The following GPHN variants were observed in gnomAD, a reference collection of about 807,000 sequenced individuals.
The protein encoded by GPHN is gephyrin.
GPHN carries 17 observed loss-of-function variants against 95.5 expected under a neutral mutation model. The observed-to-expected ratio is 0.18, with a 90% CI of 0.12 to 0.27. The LOEUF (loss-of-function observed/expected upper bound fraction) is 0.27, where lower values mean the gene tolerates loss of function less well. Ranked by LOEUF, GPHN falls within the 10% of genes least tolerant of loss-of-function variation. GPHN has a pLI of 1.00. For synonymous variants in GPHN, 320 were observed against 322.5 expected (o/e 0.99, Z 0.08); for missense variants, 660 against 978.1 (o/e 0.67, Z 4.34).
rs542863179 is a variant in GPHN at position 66,875,514 on chromosome 14, C to A, written c.295-4425C>A. Among the ~76,000 whole-genome samples, 17 of 152,236 alleles carry A rather than the reference C, an allele frequency of 1.1e-4. 2 individuals are homozygous for A. Among genetic ancestry groups the A allele is most frequent in the African/African-American group, 2.9e-4 (12 of 41,540 alleles). Reference sequence around the variant, plus strand: ...GATGTGCTGTATTCAGGAGACTGATCTCACGTGCAAAGACACACATAGGCT... The same window carrying A: ...GATGTGCTGTATTCAGGAGACTGATATCACGTGCAAAGACACACATAGGCT... On this transcript the variant is annotated intron_variant, in intron 4 of 22. Transcript: ENST00000478722.
the GPHN span, among the ~76,000 whole-genome samples, chr14:67,197,917 T>C: frequency 6.6e-6 from 1 of 152,200 alleles, no homozygotes; most frequent in African/African-American, 2.4e-5. Context: ...GAGTTTCTTT[T>C]GGCTTGCTTA....
At chr14:66,664,627 A>C (rs555555031) in intron 1 of GPHN, among the ~76,000 whole-genome samples, 27 of 152,302 alleles carry the variant, frequency 1.8e-4, no homozygotes, top group African/African-American at 6.3e-4. Flanking sequence ...AGAAATAACC[A>C]GAATCAGAGC....
intron 11 of GPHN, among the ~76,000 whole-genome samples, chr14:67,064,251 T>G (rs118122435): frequency 0.066 from 10,107 of 152,212 alleles, 350 homozygotes; most frequent in Middle Eastern, 0.085. Context: ...ATTTGCATTT[T>G]TTGAACCAGC....
chr14:67,243,544 G>A, the GPHN span, among the ~76,000 whole-genome samples: 2 of 141,282 alleles, frequency 1.4e-5, no homozygotes, highest in Non-Finnish European at 3.0e-5. Flanking sequence ...CCAGGCTGGA[G>A]TGCAGTGGCG....
chr14:67,501,119 T>C, the GPHN span, among the ~76,000 whole-genome samples: 1 of 151,384 alleles, frequency 6.6e-6, no homozygotes, highest in Non-Finnish European at 1.5e-5. Context: ...CTGCTCTGCA[T>C]GAGCTAACTT....
At chr14:66,978,033 A>T (rs1567173831) in intron 9 of GPHN, among the ~76,000 whole-genome samples, 1 of 152,260 alleles carries the variant, frequency 6.6e-6, no homozygotes, top group Admixed American at 6.5e-5. Flanking sequence ...AATTATGTTT[A>T]TACTCTCCTG....
chr14:67,576,019 CT>C, the GPHN span: 1 of 1,592,520 alleles, frequency 6.3e-7, no homozygotes, highest in East Asian at 2.3e-5. The surrounding 1 kb of genome is among the most constrained non-coding windows in gnomAD (Gnocchi z 4.0). Context: ...AGGAAGAGGG[CT>C]GGGCCTCCAG....
chr14:67,091,269 G>T (rs181606888), intron 12 of GPHN, among the ~76,000 whole-genome samples: 8 of 151,964 alleles, frequency 5.3e-5, no homozygotes, highest in Non-Finnish European at 8.8e-5. Context: ...ATTCCCAATG[G>T]CTCCTATGTT....
chr14:66,560,078 C>T lies in GPHN; in HGVS notation c.64+51487C>T, dbSNP rs1306018701. On this transcript the variant is annotated intron_variant, in intron 1 of 22. Transcript: ENST00000478722. ...TATGCGGCGTTATTTCTGAGGGCTC[C>T]GTTCTGTTCCATTGGTCTATATCTC... Among the ~76,000 whole-genome samples, 135 of 151,550 alleles carry T rather than the reference C, an allele frequency of 8.9e-4. 1 individual carries two copies. The highest frequency in any genetic ancestry group is 2.8e-3 in the African/African-American group (115 of 41,084).
the GPHN span, among the ~76,000 whole-genome samples, chr14:67,460,382 T>G: frequency 1.3e-5 from 2 of 152,156 alleles, no homozygotes; most frequent in African/African-American, 4.8e-5. Context: ...GTCTTGCCTA[T>G]CTTGCCAGGT....
chr14:67,435,843 T>A, the GPHN span, among the ~76,000 whole-genome samples: 1 of 152,094 alleles, frequency 6.6e-6, no homozygotes, highest in East Asian at 1.9e-4. Flanking sequence ...TGCCAGCGGG[T>A]GGAGGTGTTG....
chr14:67,075,467 A>T (rs2076460550), intron 11 of GPHN, among the ~76,000 whole-genome samples: 1 of 152,194 alleles, frequency 6.6e-6, no homozygotes. Context: ...ATCAAGGAGT[A>T]ATTTCAATAT....
At chr14:66,996,028 C>G (rs1323441308) in intron 9 of GPHN, 1 of 549,298 alleles carries the variant, frequency 1.8e-6, no homozygotes, top group Non-Finnish European at 3.2e-6. Flanking sequence ...TGAGTCTTGA[C>G]ATGTTTTCAA....
At chr14:67,417,026 C>T in the GPHN span, among the ~76,000 whole-genome samples, 1 of 152,216 alleles carries the variant, frequency 6.6e-6, no homozygotes, top group South Asian at 2.1e-4. Context: ...GGACTGTGTG[C>T]TTGAATGTTG....
the GPHN span, among the ~76,000 whole-genome samples, chr14:67,724,149 C>G: frequency 1.3e-5 from 2 of 152,204 alleles, no homozygotes; most frequent in Non-Finnish European, 2.9e-5. Flanking sequence ...TCCTCTGGAA[C>G]CTCTAGAGAT....
chr14:67,096,414 A>G (rs1381023242), intron 12 of GPHN, among the ~76,000 whole-genome samples: 2 of 152,180 alleles, frequency 1.3e-5, no homozygotes, highest in Non-Finnish European at 2.9e-5. Context: ...ATTATGCAGA[A>G]TATTGATATG....
At chr14:67,266,888 T>A in the GPHN span, among the ~76,000 whole-genome samples, 5 of 151,944 alleles carry the variant, frequency 3.3e-5, no homozygotes, top group African/African-American at 1.2e-4. Flanking sequence ...GGTGGACAGA[T>A]CACTTGAGCC....
intron 1 of GPHN, among the ~76,000 whole-genome samples, chr14:66,673,952 A>G (rs1422243998): frequency 6.6e-6 from 1 of 152,152 alleles, no homozygotes; most frequent in South Asian, 2.1e-4. Flanking sequence ...GGTATTTCGC[A>G]TATCCGTAAT....
chr14:66,880,347 CTTT>C (rs1247931125), intron 5 of GPHN, among the ~76,000 whole-genome samples: 19 of 135,344 alleles, frequency 1.4e-4, no homozygotes, highest in African/African-American at 5.5e-4. Context: ...CACTTCACTT[CTTT>C]TTGTTGTTGT....
Sources: gnomAD v4.1 joint callset for allele counts (sites outside exome capture counted in the v4.1 genomes callset) on GRCh38, gnomAD v4.1.1 for gene constraint, Gnocchi (gnomAD v3.1) non-coding constraint, MANE v1.5 for transcripts, NCBI Gene and HGNC (gene_info 2026-07-23, HGNC 2026-07-21) for gene names.